The following AASDH variants were observed in gnomAD, a reference collection of about 807,000 sequenced individuals.
AASDH encodes aminoadipate-semialdehyde dehydrogenase, also known as beta-alanine-activating enzyme.
AASDH carries 81 observed loss-of-function variants against 102.3 expected under a neutral mutation model. That is an observed-to-expected ratio of 0.79 (90% CI 0.66 to 0.95). The LOEUF is 0.95. Ranked by LOEUF, AASDH falls within the 40% of genes least tolerant of loss-of-function variation. AASDH has a pLI of 0.00. For missense variants in AASDH, 1,203 were observed against 1,266.2 expected, an observed-to-expected ratio of 0.95 and a Z score of 0.76; for synonymous variants, 398 against 454.0, an observed-to-expected ratio of 0.88 and a Z score of 1.57.
At chr4:56,340,206 C>G (rs1747495679) in intron 14 of AASDH, among the ~76,000 whole-genome samples, 1 of 151,896 alleles carries the variant, frequency 6.6e-6, no homozygotes, top group South Asian at 2.1e-4. Context: ...TCATATGGAA[C>G]CAAAAAAGAC....
intron 3 of AASDH, among the ~76,000 whole-genome samples, chr4:56,380,965 C>T (rs1043198841): frequency 3.3e-5 from 5 of 152,164 alleles, no homozygotes; most frequent in Admixed American, 2.6e-4. Context: ...ACTTACTGAT[C>T]GTTCCTGTGT....
Position 56,366,382 on chromosome 4 carries a change from C to T in AASDH, c.861+5069G>A, listed in dbSNP as rs558823256. On this transcript the variant is annotated intron_variant, in intron 5 of 14. Transcript: ENST00000205214. The stretch of plus-strand genomic sequence containing the variant: ...CTAATTCATTTTATGAGGCCAGCAT[C>T]ATCCTGATAGCAAAGCCTGGCAGAG... 1.0e-3 allele frequency among the ~76,000 whole-genome samples: 155 copies of T among 152,324 alleles called. 1 individual carries two copies. The highest frequency in any genetic ancestry group is 3.7e-3 in the African/African-American group (152 of 41,564).
Position 56,381,113 on chromosome 4 carries a change from A to T in AASDH, c.351+1364T>A, listed in dbSNP as rs1752902040. Among the ~76,000 whole-genome samples the T allele has an allele frequency of 3.3e-5, 5 of 152,188 alleles. No individual in the cohort carries two copies. The South Asian group carries it at 1.0e-3, about 31-fold the overall frequency. ...AAGAATACCTTGACATTGACAATTA[A>T]TACTGATACTCAGCTACCTTTTATA... On this transcript the variant is annotated intron_variant, in intron 3 of 14. Transcript: ENST00000205214.
intron 1 of AASDH, among the ~76,000 whole-genome samples, chr4:56,385,618 G>T (rs1395519790): frequency 3.9e-5 from 6 of 152,038 alleles, no homozygotes; most frequent in Non-Finnish European, 7.4e-5. Flanking sequence ...GTTTGTTTTT[G>T]TGACAGTCTC....
chr4:56,342,068 C>T (rs564298726), intron 14 of AASDH, among the ~76,000 whole-genome samples: 2 of 134,898 alleles, frequency 1.5e-5, no homozygotes, highest in African/African-American at 5.6e-5. Context: ...GCCAAGATCA[C>T]ACCAATGTAC....
At chr4:56,356,026 A>G in intron 5 of AASDH, 1 of 506,402 alleles carries the variant, frequency 2.0e-6, no homozygotes. Flanking sequence ...TAGGATAAAA[A>G]GGACAAAATC....
At chr4:56,382,656 C>G in intron 2 of AASDH, 59 bp from the exon 3 acceptor site, 1 of 1,547,842 alleles carries the variant, frequency 6.5e-7, no homozygotes, top group Non-Finnish European at 8.7e-7. Flanking sequence ...TTTGTTTAAG[C>G]ATTTCTATTT....
intron 3 of AASDH, 58 bp downstream of exon 3, chr4:56,382,415 GGAAT>G: frequency 7.0e-7 from 1 of 1,427,350 alleles, no homozygotes; most frequent in Non-Finnish European, 9.6e-7. Context: ...GGAGAAGGAA[GGAAT>G]GTTTCAATTG....
Position 56,338,612 on chromosome 4 carries a change from G to C in AASDH, c.3087C>G (p.Asn1029Lys), listed in dbSNP as rs567328010. 3 of 1,614,048 alleles carry C rather than the reference G, an allele frequency of 1.9e-6. No homozygotes were observed. The highest frequency in any genetic ancestry group is 2.7e-5 in the African/African-American group (2 of 74,916). The change falls in exon 15 of 15, where the codon AAC becomes AAG. Residue 1029 changes from asparagine to lysine, a missense_variant. Coordinates refer to ENST00000205214, the MANE Select transcript of AASDH (RefSeq NM_181806.4). ...RVYATPFAFH[N>K]YNGSNEMLLA... Reference sequence around the variant, plus strand: ...GCAACATTTCATTGCTGCCATTGTAGTTATGGAAAGCAAACGGTGTTGCAT... The same window carrying C: ...GCAACATTTCATTGCTGCCATTGTACTTATGGAAAGCAAACGGTGTTGCAT...
intron 5 of AASDH, among the ~76,000 whole-genome samples, chr4:56,359,617 G>A (rs140990650): frequency 1.9e-3 from 269 of 143,190 alleles, no homozygotes; most frequent in African/African-American, 6.6e-3. Context: ...GGAGTGCAGT[G>A]GCACAATCTT....
chr4:56,384,436 A>G, intron 1 of AASDH, 95 bp from the exon 2 acceptor site: 3 of 608,790 alleles, frequency 4.9e-6, no homozygotes, highest in Non-Finnish European at 8.6e-6. Context: ...TCTCACAAAA[A>G]TAATTATATC....
chr4:56,383,360 T>C (rs1395266747), intron 2 of AASDH, among the ~76,000 whole-genome samples: 1 of 152,154 alleles, frequency 6.6e-6, no homozygotes, highest in East Asian at 1.9e-4. Context: ...TAAATAATAC[T>C]CCAGCCTCAG....
intron 10 of AASDH, among the ~76,000 whole-genome samples, chr4:56,351,137 C>A (rs1443667054): frequency 6.6e-6 from 1 of 152,120 alleles, no homozygotes; most frequent in Non-Finnish European, 1.5e-5. Context: ...CAATAAATTT[C>A]TTTGTCGGAA....
At chr4:56,378,516 C>T in intron 3 of AASDH, 52 bp from the exon 4 acceptor site, 1 of 1,367,008 alleles carries the variant, frequency 7.3e-7, no homozygotes, top group Non-Finnish European at 9.9e-7. Flanking sequence ...AAAAGATATT[C>T]TTCTTTATAT....
At chr4:56,365,867 A>G (rs1422049401) in intron 5 of AASDH, among the ~76,000 whole-genome samples, 1 of 152,236 alleles carries the variant, frequency 6.6e-6, no homozygotes, top group Non-Finnish European at 1.5e-5. Flanking sequence ...AATAACTAAG[A>G]TCAGAGCAGA....
chr4:56,370,553 C>G (rs1751569085), intron 5 of AASDH, among the ~76,000 whole-genome samples: 1 of 152,176 alleles, frequency 6.6e-6, no homozygotes. Flanking sequence ...CCCTTTCCAT[C>G]AAGTGAGGAC....
intron 5 of AASDH, among the ~76,000 whole-genome samples, chr4:56,361,473 C>T (rs998133373): frequency 3.9e-5 from 6 of 151,918 alleles, no homozygotes; most frequent in African/African-American, 1.5e-4. Flanking sequence ...AACTGAAATG[C>T]TAAATTGAGG....
chr4:56,352,377 A>G (rs186808398), intron 9 of AASDH, among the ~76,000 whole-genome samples: 25 of 152,244 alleles, frequency 1.6e-4, no homozygotes, highest in African/African-American at 5.5e-4. Context: ...AGGCAGAGAA[A>G]GGAAGAATTT....
intron 4 of AASDH, among the ~76,000 whole-genome samples, chr4:56,376,105 C>T (rs11133438): frequency 0.63 from 94,975 of 149,696 alleles, 30,211 homozygotes; most frequent in Admixed American, 0.71. Flanking sequence ...ATCACTGCAG[C>T]CTTGACCTCC....
Sources: allele counts gnomAD v4.1 joint callset (sites outside exome capture counted in the v4.1 genomes callset), GRCh38; gene constraint gnomAD v4.1.1; transcripts MANE v1.5; gene names NCBI Gene and HGNC (gene_info 2026-07-23, HGNC 2026-07-21).